LRRC7: variants seen among roughly 807,000 people sequenced by gnomAD.
LRRC7 encodes the protein leucine-rich repeat-containing protein 7.
A neutral mutation model predicts 175.7 loss-of-function variants in LRRC7; 23 were observed. The observed-to-expected ratio is 0.13, with a 90% CI of 0.09 to 0.19. LRRC7 has a LOEUF of 0.19. Ranked by LOEUF, LRRC7 falls within the 10% of genes least tolerant of loss-of-function variation. The probability of loss-of-function intolerance (pLI) is 1.00; values close to 1 mark genes in which losing one functional copy is unlikely to be tolerated. For missense variants in LRRC7, 1,354 were observed against 1,904.7 expected (o/e 0.71, Z 5.38); for synonymous variants, 685 against 680.9 (o/e 1.01, Z -0.09).
intron 1 of LRRC7, among the ~76,000 whole-genome samples, chr1:69,670,362 A>C (rs1658897950): frequency 6.6e-6 from 1 of 152,216 alleles, no homozygotes; most frequent in Admixed American, 6.5e-5. Flanking sequence ...CATAAGATTC[A>C]GATCGTTTCC....
At chr1:69,771,798 T>C (rs899310923) in intron 3 of LRRC7, among the ~76,000 whole-genome samples, 1 of 151,900 alleles carries the variant, frequency 6.6e-6, no homozygotes, top group South Asian at 2.1e-4. Context: ...AAAATAAAAG[T>C]GTTAGGTGAT....
intron 9 of LRRC7, among the ~76,000 whole-genome samples, chr1:69,983,266 C>T (rs532851324): frequency 6.6e-6 from 1 of 152,342 alleles, no homozygotes; most frequent in African/African-American, 2.4e-5. Flanking sequence ...CCTGTGCTCA[C>T]ACTCTGCACC....
intron 1 of LRRC7, among the ~76,000 whole-genome samples, chr1:69,619,890 A>T (rs1650278395): frequency 6.6e-6 from 1 of 152,224 alleles, no homozygotes; most frequent in Non-Finnish European, 1.5e-5. Flanking sequence ...AAACCTATGT[A>T]TTAGTAAACA....
intron 2 of LRRC7, among the ~76,000 whole-genome samples, chr1:69,712,554 A>T (rs1664885763): frequency 6.6e-6 from 1 of 152,130 alleles, no homozygotes; most frequent in South Asian, 2.1e-4. Flanking sequence ...GCAGTGAGCC[A>T]AGATTGCGCC....
intron 1 of LRRC7, among the ~76,000 whole-genome samples, chr1:69,653,971 G>A (rs1338422301): frequency 3.3e-5 from 5 of 151,880 alleles, no homozygotes; most frequent in Non-Finnish European, 5.9e-5. Flanking sequence ...GAGAAAATGG[G>A]GAATTGCTGT....
intron 7 of LRRC7, among the ~76,000 whole-genome samples, chr1:69,929,318 C>G (rs970841988): frequency 1.3e-5 from 2 of 152,188 alleles, no homozygotes; most frequent in Non-Finnish European, 2.9e-5. Flanking sequence ...ATTAACATCT[C>G]TAGTTGACTC....
chr1:69,609,464 G>A (rs371135256), intron 1 of LRRC7, among the ~76,000 whole-genome samples: 1 of 151,644 alleles, frequency 6.6e-6, no homozygotes, highest in East Asian at 1.9e-4. Context: ...AAAGTGCAAG[G>A]AAGAAAGAAA....
chr1:70,119,557 C>T lies in LRRC7; in HGVS notation c.4621-2223C>T, dbSNP rs376672140. Reference sequence around the variant, plus strand: ...ATGCTTAAGTAATCACATTGAGAGCCGACTAACCTTCTTTGAAGATCTTTC... The same window carrying T: ...ATGCTTAAGTAATCACATTGAGAGCTGACTAACCTTCTTTGAAGATCTTTC... On this transcript the variant is annotated intron_variant, in intron 26 of 26. Coordinates refer to ENST00000651989, the MANE Select transcript of LRRC7 (RefSeq NM_001370785.2). 4.0e-5 allele frequency among the ~76,000 whole-genome samples: 6 copies of T among 150,482 alleles called. No homozygotes were observed. The East Asian group carries it at 5.8e-4, about 15-fold the overall frequency.
chr1:69,889,797 C>G (rs998497523), intron 7 of LRRC7, among the ~76,000 whole-genome samples: 1 of 151,808 alleles, frequency 6.6e-6, no homozygotes, highest in Non-Finnish European at 1.5e-5. Context: ...CAGAGTGAGA[C>G]CCTGTCTAAA....
chr1:69,695,403 C>A (rs995304370), intron 2 of LRRC7, among the ~76,000 whole-genome samples: 9 of 152,152 alleles, frequency 5.9e-5, no homozygotes, highest in African/African-American at 2.2e-4. Context: ...AAATTTGGAA[C>A]TTATAATTGA....
chr1:69,670,879 G>T (rs535103124), intron 1 of LRRC7, among the ~76,000 whole-genome samples: 3 of 152,226 alleles, frequency 2.0e-5, no homozygotes, highest in African/African-American at 4.8e-5. Context: ...GGTGAATGCT[G>T]CCTGGCATGG....
Position 69,952,457 on chromosome 1 carries a change from C to T in LRRC7, c.711+20887C>T, listed in dbSNP as rs146125660. Among the ~76,000 whole-genome samples the T allele has an allele frequency of 8.6e-4, 131 of 151,986 alleles. 2 individuals are homozygous for T. Among genetic ancestry groups the T allele is most frequent in the African/African-American group, 3.1e-3 (127 of 41,486 alleles). ...CACTGTTGAATTTGTAAAGCCAGATCGTTAACTCTGAAAAAAAAGTCTTCC... is the reference window on the plus strand; with the variant it reads ...CACTGTTGAATTTGTAAAGCCAGATTGTTAACTCTGAAAAAAAAGTCTTCC... On this transcript the variant is annotated intron_variant, in intron 8 of 26. Coordinates refer to ENST00000651989, the MANE Select transcript of LRRC7 (RefSeq NM_001370785.2).
intron 23 of LRRC7, among the ~76,000 whole-genome samples, chr1:70,074,135 G>A (rs1000620481): frequency 1.1e-4 from 16 of 151,610 alleles, no homozygotes; most frequent in African/African-American, 3.4e-4. Context: ...CTGGGAGACG[G>A]AGGATGCAGT....
intron 7 of LRRC7, among the ~76,000 whole-genome samples, chr1:69,890,962 G>T (rs1410079547): frequency 1.3e-5 from 2 of 152,238 alleles, no homozygotes; most frequent in Non-Finnish European, 2.9e-5. Context: ...AGAGAATGTT[G>T]TGGCTGGTTT....
intron 23 of LRRC7, among the ~76,000 whole-genome samples, chr1:70,059,435 A>G (rs914618811): frequency 6.6e-6 from 1 of 151,640 alleles, no homozygotes. Context: ...CATCTCTGAG[A>G]CATGCCTAGG....
chr1:69,786,028 A>AT (rs1674370850), intron 3 of LRRC7, among the ~76,000 whole-genome samples: 1 of 152,030 alleles, frequency 6.6e-6, no homozygotes, highest in Non-Finnish European at 1.5e-5. Flanking sequence ...TGCAGGCTTG[A>AT]TTCTTTGTTT....
Position 69,918,040 on chromosome 1 carries a change from T to G in LRRC7, c.648-13467T>G, listed in dbSNP as rs138041200. On this transcript the variant is annotated intron_variant, in intron 7 of 26. Transcript: ENST00000651989. ...AAAATTATTCCTAATTACTGAACTG[T>G]TTGTTGTTCCTTCTTCTGTGTTCCT... Among the ~76,000 whole-genome samples the G allele has an allele frequency of 4.8e-3, 732 of 152,296 alleles. 10 individuals carry two copies. Among genetic ancestry groups the G allele is most frequent in the African/African-American group, 0.016 (677 of 41,552 alleles).
At chr1:69,892,319 G>A (rs1645859849) in intron 7 of LRRC7, among the ~76,000 whole-genome samples, 1 of 152,144 alleles carries the variant, frequency 6.6e-6, no homozygotes, top group Non-Finnish European at 1.5e-5. Context: ...GAAAGGTAGG[G>A]TGAGGAGTTT....
intron 1 of LRRC7, among the ~76,000 whole-genome samples, chr1:69,584,932 A>G (rs1220602239): frequency 6.6e-6 from 1 of 151,900 alleles, no homozygotes; most frequent in African/African-American, 2.4e-5. Flanking sequence ...GTTAACTCCT[A>G]TTTTATCTTC....
Sources: gnomAD v4.1 joint callset for allele counts (sites outside exome capture counted in the v4.1 genomes callset) on GRCh38, gnomAD v4.1.1 for gene constraint, MANE v1.5 for transcripts, NCBI Gene and HGNC (gene_info 2026-07-23, HGNC 2026-07-21) for gene names.